TSBP1: variants seen among roughly 807,000 people sequenced by gnomAD.
The protein encoded by TSBP1 is testis-expressed basic protein 1.
In TSBP1, 56 loss-of-function variants were observed where a neutral mutation model predicts 68.8. That is an observed-to-expected ratio of 0.81 (90% CI 0.66 to 1.02). The LOEUF (loss-of-function observed/expected upper bound fraction) is 1.02, where lower values mean the gene tolerates loss of function less well. TSBP1 is among the 50% of genes least tolerant of loss of function. The pLI, the probability that TSBP1 is intolerant of heterozygous loss-of-function variation, is 0.00. For synonymous variants in TSBP1, 171 were observed against 208.7 expected (o/e 0.82, Z 1.56); for missense variants, 502 against 641.2 (o/e 0.78, Z 2.34).
At chr6:32,327,654 C>CTTTTTTT (rs9281739) in intron 16 of TSBP1, among the ~76,000 whole-genome samples, 3 of 146,994 alleles carry the variant, frequency 2.0e-5, no homozygotes, top group Non-Finnish European at 1.5e-5. Flanking sequence ...TTTTCTTTTT[C>CTTTTTTT]TTTTTTTTTT....
intron 18 of TSBP1, among the ~76,000 whole-genome samples, chr6:32,317,981 T>G (rs1049861989): frequency 6.6e-6 from 1 of 152,174 alleles, no homozygotes; most frequent in Non-Finnish European, 1.5e-5. Flanking sequence ...ATAAAAATTG[T>G]TCTATCATAA....
chr6:32,356,052 T>G lies in TSBP1; in HGVS notation c.218-383A>C, dbSNP rs180887798. The stretch of plus-strand genomic sequence containing the variant: ...ATGCAAATGTGTATATTGATTGCGA[T>G]TGAATGTGCATCCTATGATCTAAAA... On this transcript the variant is annotated intron_variant, in intron 6 of 22. Coordinates refer to ENST00000612031, the Ensembl canonical transcript of TSBP1. Among the ~76,000 whole-genome samples the G allele has an allele frequency of 3.5e-3, 539 of 152,328 alleles. 4 individuals carry two copies. In the Middle Eastern group the frequency reaches 0.041, roughly 12 times the overall value.
intron 16 of TSBP1, among the ~76,000 whole-genome samples, chr6:32,330,224 T>C (rs2127597184): frequency 6.6e-6 from 1 of 152,338 alleles, no homozygotes; most frequent in South Asian, 2.1e-4. Flanking sequence ...TTGATTTTCT[T>C]TTCTCATTTC....
rs2179578 is a variant in TSBP1, at chr6:32,340,993, G to A, written c.350-1355C>T. Among the ~76,000 whole-genome samples the A allele has an allele frequency of 0.34, 51,075 of 151,748 alleles. 9,647 individuals are homozygous for A. Among genetic ancestry groups the A allele is most frequent in the Middle Eastern group, 0.52 (153 of 294 alleles). On this transcript the variant is annotated intron_variant, in intron 9 of 22. Transcript: ENST00000612031. The surrounding 1 kb of genome is among the most constrained non-coding windows in gnomAD (Gnocchi z 4.8). ...GTATTTTTAGTAGAGATGGGGTTTC[G>A]CCATGTTGGCCAGGCTGGTCTCAAA...
chr6:32,349,754 G>A (rs1217346299), exon 9 of TSBP1: 1 of 1,601,462 alleles, frequency 6.2e-7, no homozygotes, highest in Non-Finnish European at 8.6e-7. Flanking sequence ...ACTTGATCGA[G>A]ACAGTGCTAA....
At chr6:32,368,800 T>C (rs1341879452) in exon 3 of TSBP1, 3 of 1,588,386 alleles carry the variant, frequency 1.9e-6, no homozygotes, top group East Asian at 2.3e-5. Flanking sequence ...GAACTGTATC[T>C]GGAGATATAC....
At chr6:32,317,344 C>G (rs1767070513) in intron 18 of TSBP1, among the ~76,000 whole-genome samples, 1 of 152,080 alleles carries the variant, frequency 6.6e-6, no homozygotes, top group Admixed American at 6.5e-5. Context: ...AAACCCAAAG[C>G]TATAAAAACC....
intron 22 of TSBP1, among the ~76,000 whole-genome samples, chr6:32,298,390 A>G (rs1038652682): frequency 1.3e-5 from 2 of 152,076 alleles, no homozygotes; most frequent in South Asian, 2.1e-4. Flanking sequence ...GACCAGCCTG[A>G]CCAACATAGT....
rs1764285111 is a variant in TSBP1 at position 32,292,836 on chromosome 6, C to A, written c.*145G>T. ...GGCTGAGAGATTAAAAAGGGTGAAA[C>A]TTCTGAAGAGCAGAAACTGTGATAT... On this transcript the variant is annotated 3_prime_UTR_variant, in exon 23 of 23. Transcript: ENST00000612031. The surrounding 1 kb of genome is among the most constrained non-coding windows in gnomAD (Gnocchi z 4.1). 1.7e-6 allele frequency: 1 copy of A among 598,434 alleles called. No individual in the cohort carries two copies. Among genetic ancestry groups the A allele is most frequent in the African/African-American group, 1.9e-5 (1 of 53,240 alleles). The allele number at this position is 598,434 out of a possible 1,614,324, so 37.1% of individuals were successfully genotyped here.
At chr6:32,330,451 G>A in intron 16 of TSBP1, 138 bp downstream of exon 17, 1 of 705,526 alleles carries the variant, frequency 1.4e-6, no homozygotes. Flanking sequence ...TTGAAATCAG[G>A]AAGCATAAAA....
chr6:32,313,558 G>C (rs940999034), intron 19 of TSBP1, among the ~76,000 whole-genome samples: 22 of 152,032 alleles, frequency 1.4e-4, no homozygotes, highest in African/African-American at 5.3e-4. Context: ...TCTCCAATTT[G>C]TTGGGACTTG....
rs188040047 is a variant in TSBP1, at chr6:32,370,663, C to T, written c.14-680G>A. On this transcript the variant is annotated intron_variant, in intron 1 of 22. Transcript: ENST00000612031. ...CTCCTGATGATAAGATGGATATTTG[C>T]GAGGTTTGTTATTGTGGTTAGTAGG... Among the ~76,000 whole-genome samples the T allele has an allele frequency of 1.6e-4, 25 of 151,672 alleles. No homozygotes were observed. The East Asian group carries it at 2.9e-3, about 18-fold the overall frequency.
chr6:32,310,583 A>G (rs1766277431), intron 19 of TSBP1, among the ~76,000 whole-genome samples: 1 of 150,958 alleles, frequency 6.6e-6, no homozygotes, highest in South Asian at 2.1e-4. Flanking sequence ...TTAAACTGTG[A>G]TTAATAATAT....
chr6:32,370,855 AAGAG>A (rs1554214192), intron 1 of TSBP1, among the ~76,000 whole-genome samples: 2 of 150,228 alleles, frequency 1.3e-5, no homozygotes, highest in South Asian at 2.1e-4. Context: ...AAAAAAAGAA[AAGAG>A]AGAGAGAGAG....
Position 32,335,995 on chromosome 6 carries a change from T to A in TSBP1, c.431-63A>T, listed in dbSNP as rs1583087992. 3 of 1,386,490 alleles carry A rather than the reference T, an allele frequency of 2.2e-6. No individual in the cohort carries two copies. The East Asian group carries it at 6.8e-5, about 32-fold the overall frequency. 85.9% of individuals were successfully genotyped at this position (1,386,490 alleles called of 1,614,324 possible). A position where few individuals can be genotyped will look rare whatever the true frequency, so the allele number is the denominator to read the frequency against. On this transcript the variant is annotated intron_variant, in intron 12 of 22. Coordinates refer to ENST00000612031, the Ensembl canonical transcript of TSBP1. This position sits in a 1 kb window ranked among gnomAD's most constrained non-coding sequence, Gnocchi z 5.5. ...GTATGCTTCACCACTGTGAAGGAAA[T>A]TTCCATTTCCCAACACTCGCTCTAG...
intron 15 of TSBP1, 76 bp from the exon 17 acceptor site, chr6:32,330,685 T>C: frequency 6.9e-7 from 1 of 1,459,194 alleles, no homozygotes; most frequent in Non-Finnish European, 9.2e-7. Flanking sequence ...CTTCTATTTT[T>C]TGAGACAGAG....
intron 2 of TSBP1, 146 bp downstream of exon 2, chr6:32,369,751 C>G (rs1018413839): frequency 3.9e-6 from 3 of 760,450 alleles, no homozygotes; most frequent in Admixed American, 1.7e-5. Flanking sequence ...GTCAGAGATT[C>G]TTTGACTCAA....
chr6:32,323,542 A>T, intron 17 of TSBP1, 49 bp downstream of exon 18: 1 of 1,577,604 alleles, frequency 6.3e-7, no homozygotes, highest in South Asian at 1.1e-5. Context: ...CCTTGCAGGG[A>T]ACAACAAGAA....
chr6:32,315,002 C>T lies in TSBP1; in HGVS notation c.580+770G>A, dbSNP rs1766797994. On this transcript the variant is annotated intron_variant, in intron 19 of 22. Coordinates refer to ENST00000612031, the Ensembl canonical transcript of TSBP1. The surrounding 1 kb of genome is among the most constrained non-coding windows in gnomAD (Gnocchi z 5.4). Reference sequence around the variant, plus strand: ...TACTGACCTGCCTGGGCTCTTTTGGCATCTGCGTTTTTAACCTTGACAGGA... The same window carrying T: ...TACTGACCTGCCTGGGCTCTTTTGGTATCTGCGTTTTTAACCTTGACAGGA... Among the ~76,000 whole-genome samples the T allele has an allele frequency of 6.6e-6, 1 of 152,138 alleles. No homozygotes were observed. The highest frequency in any genetic ancestry group is 2.4e-5 in the African/African-American group (1 of 41,418).
Sources: gnomAD v4.1 joint callset for allele counts (sites outside exome capture counted in the v4.1 genomes callset) on GRCh38, gnomAD v4.1.1 for gene constraint, Gnocchi (gnomAD v3.1) non-coding constraint, MANE v1.5 for transcripts, NCBI Gene and HGNC (gene_info 2026-07-23, HGNC 2026-07-21) for gene names.